PRKG1: variants seen among roughly 807,000 people sequenced by gnomAD.
PRKG1 encodes protein kinase cGMP-dependent 1.
In PRKG1, 35 loss-of-function variants were observed where a neutral mutation model predicts 88.1. The observed-to-expected ratio is 0.40, with a 90% CI of 0.30 to 0.53. PRKG1 has a LOEUF of 0.53. PRKG1 is among the 20% of genes least tolerant of loss of function. The probability of loss-of-function intolerance (pLI) is 0.59; values close to 1 mark genes in which losing one functional copy is unlikely to be tolerated. For synonymous variants in PRKG1, 303 were observed against 292.5 expected, an observed-to-expected ratio of 1.04 and a Z score of -0.37; for missense variants, 540 against 839.8, an observed-to-expected ratio of 0.64 and a Z score of 4.41.
intron 2 of PRKG1, among the ~76,000 whole-genome samples, chr10:51,260,347 A>G (rs1258452933): frequency 2.0e-5 from 3 of 152,110 alleles, no homozygotes; most frequent in Non-Finnish European, 4.4e-5. Context: ...AAACATTTTT[A>G]TATACATTTT....
At chr10:51,502,559 A>G (rs1038051004) in intron 3 of PRKG1, among the ~76,000 whole-genome samples, 1 of 152,174 alleles carries the variant, frequency 6.6e-6, no homozygotes, top group Non-Finnish European at 1.5e-5. Context: ...GAGAAGAACT[A>G]AAATCAATTT....
At chr10:51,191,214 G>A (rs1488244171) in intron 2 of PRKG1, among the ~76,000 whole-genome samples, 1 of 151,776 alleles carries the variant, frequency 6.6e-6, no homozygotes, top group East Asian at 1.9e-4. Context: ...ATAATACTCA[G>A]TGTGGTTTCC....
intron 14 of PRKG1, among the ~76,000 whole-genome samples, chr10:52,284,435 A>G (rs1021807090): frequency 1.8e-4 from 24 of 134,666 alleles, no homozygotes; most frequent in African/African-American, 6.6e-4. Context: ...CATTAAAAAA[A>G]TCTTTACTTT....
At chr10:51,677,732 C>T (rs1167788830) in intron 3 of PRKG1, among the ~76,000 whole-genome samples, 1 of 152,178 alleles carries the variant, frequency 6.6e-6, no homozygotes, top group Non-Finnish European at 1.5e-5. Context: ...AGGGTCTCAT[C>T]CCCCATTTGT....
At chr10:51,633,391 A>C (rs1839575249) in intron 3 of PRKG1, among the ~76,000 whole-genome samples, 1 of 152,194 alleles carries the variant, frequency 6.6e-6, no homozygotes, top group Admixed American at 6.5e-5. Context: ...TCCTGAAGCA[A>C]GCGAGGGAAA....
intron 2 of PRKG1, among the ~76,000 whole-genome samples, chr10:51,188,364 C>T (rs1837548181): frequency 6.6e-6 from 1 of 151,946 alleles, no homozygotes; most frequent in Non-Finnish European, 1.5e-5. Flanking sequence ...CAATTATAGG[C>T]TACTTTATTT....
chr10:51,708,583 G>C (rs1002540807), intron 3 of PRKG1, among the ~76,000 whole-genome samples: 32 of 152,072 alleles, frequency 2.1e-4, no homozygotes, highest in African/African-American at 6.5e-4. Flanking sequence ...GTTTTCCTCT[G>C]TTGAAGGATC....
intron 3 of PRKG1, among the ~76,000 whole-genome samples, chr10:51,749,488 G>A (rs1456278731): frequency 6.6e-6 from 1 of 151,992 alleles, no homozygotes; most frequent in Non-Finnish European, 1.5e-5. Context: ...TTCTTATAAG[G>A]CCATGAAACC....
At chr10:51,372,707 A>T (rs1464585750) in intron 2 of PRKG1, among the ~76,000 whole-genome samples, 1 of 149,106 alleles carries the variant, frequency 6.7e-6, no homozygotes, top group Non-Finnish European at 1.5e-5. Context: ...TCCTATTTCA[A>T]ATTTGCTAAG....
At position 51,604,912 on chromosome 10, in the gene PRKG1, G is replaced by A. The variant is rs192176798; in HGVS notation, c.592+137076G>A. Among the ~76,000 whole-genome samples the A allele has an allele frequency of 2.2e-4, 33 of 152,330 alleles. No individual in the cohort carries two copies. The East Asian group carries it at 6.0e-3, about 28-fold the overall frequency. The stretch of plus-strand genomic sequence containing the variant: ...CCTCTGCCTTATTGCAAGGACAGGG[G>A]GCCATTGTGACAGCCTGAGTTCTTG... On this transcript the variant is annotated intron_variant, in intron 3 of 17. Transcript: ENST00000373980.
intron 2 of PRKG1, among the ~76,000 whole-genome samples, chr10:51,233,029 G>A (rs751264255): frequency 1.6e-4 from 25 of 152,316 alleles, no homozygotes; most frequent in South Asian, 1.0e-3. Context: ...CTGCAGTGCA[G>A]TGTACAAAAT....
upstream of PRKG1, among the ~76,000 whole-genome samples, chr10:51,069,807 G>T (rs1843800840): frequency 6.6e-6 from 1 of 152,024 alleles, no homozygotes; most frequent in Non-Finnish European, 1.5e-5. Flanking sequence ...CAACTCTCCT[G>T]GTTTGCCCGA....
At chr10:51,699,105 G>A (rs565720902) in intron 3 of PRKG1, 1 of 1,614,210 alleles carries the variant, frequency 6.2e-7, no homozygotes, top group Admixed American at 1.7e-5. Flanking sequence ...TGGACACAGA[G>A]CTTCATCTGC....
intron 5 of PRKG1, among the ~76,000 whole-genome samples, chr10:51,914,685 T>A (rs1417535615): frequency 6.6e-6 from 1 of 152,214 alleles, no homozygotes; most frequent in Non-Finnish European, 1.5e-5. Context: ...TCTCACTAAC[T>A]TTTTAAGAAC....
rs1837900912 is a variant in PRKG1, at chr10:51,201,102, A to G, written c.478+47772A>G. Among the ~76,000 whole-genome samples, 3 of 152,288 alleles carry G rather than the reference A, an allele frequency of 2.0e-5. No homozygotes were observed. In the South Asian group the frequency reaches 6.2e-4, roughly 32 times the overall value. On this transcript the variant is annotated intron_variant, in intron 2 of 17. Coordinates refer to ENST00000373980, the MANE Select transcript of PRKG1 (RefSeq NM_006258.4). ...ATCTCTAAGAGTGACAAACTGTTCAATTTTTCCATGGGTATGAATTAATTT... is the reference window on the plus strand; with the variant it reads ...ATCTCTAAGAGTGACAAACTGTTCAGTTTTTCCATGGGTATGAATTAATTT...
At chr10:51,658,578 A>G (rs965353840) in intron 3 of PRKG1, among the ~76,000 whole-genome samples, 15 of 119,866 alleles carry the variant, frequency 1.3e-4, no homozygotes, top group Non-Finnish European at 2.5e-4. Context: ...GCTGTGAGGG[A>G]AAAAAAAAAA....
Position 52,288,819 on chromosome 10 carries a change from T to A in PRKG1, c.1803T>A (p.Asn601Lys). The change falls in exon 15 of 18, where the codon AAT becomes AAA. Residue 601 changes from asparagine to lysine, a missense_variant. Asn to Lys is a moderately conservative substitution (Grantham distance 94). Around this residue, in one of 5 missense-constraint regions of PRKG1, gnomAD observed 97 missense variants for 210.6 expected, o/e 0.46. Transcript: ENST00000373980. Reference sequence around the variant, plus strand: ...AATTTCCAAAGAAGATTGCCAAAAATGCTGCTAATTTAATTAAAAAACTAT... The same window carrying A: ...AATTTCCAAAGAAGATTGCCAAAAAAGCTGCTAATTTAATTAAAAAACTAT... Reference protein sequence around the residue: ...MIEFPKKIAKNAANLIKKLCR... With the variant: ...MIEFPKKIAKKAANLIKKLCR... 1 of 1,605,856 alleles carries A rather than the reference T, an allele frequency of 6.2e-7. No individual in the cohort carries two copies. Among genetic ancestry groups the A allele is most frequent in the Non-Finnish European group, 8.5e-7 (1 of 1,176,592 alleles).
chr10:51,003,019 T>C (rs1206067020), intron 1 of PRKG1, among the ~76,000 whole-genome samples: 2 of 152,174 alleles, frequency 1.3e-5, no homozygotes, highest in African/African-American at 4.8e-5. Flanking sequence ...TTATTTGAGG[T>C]TATCAATGTA....
rs116139295 is a variant in PRKG1 at position 51,670,226 on chromosome 10, C to T, written c.593-134359C>T. On this transcript the variant is annotated intron_variant, in intron 3 of 17. Coordinates refer to ENST00000373980, the MANE Select transcript of PRKG1 (RefSeq NM_006258.4). Reference sequence around the variant, plus strand: ...GGCCTATATTTTTTATCCAAATTTACCACTTGAAACAGCCCATAGTATATT... The same window carrying T: ...GGCCTATATTTTTTATCCAAATTTATCACTTGAAACAGCCCATAGTATATT... Among the ~76,000 whole-genome samples, 1,143 of 152,090 alleles carry T rather than the reference C, an allele frequency of 7.5e-3. 9 individuals carry two copies. The highest frequency in any genetic ancestry group is 0.014 in the African/African-American group (571 of 41,522).
Sources: gnomAD v4.1 joint callset for allele counts (sites outside exome capture counted in the v4.1 genomes callset) on GRCh38, gnomAD v4.1.1 for gene constraint, gnomAD v4.1.1 regional missense constraint, MANE v1.5 for transcripts, NCBI Gene and HGNC (gene_info 2026-07-23, HGNC 2026-07-21) for gene names.